Variants in RPS28 observed in about 807,000 individuals in gnomAD.
The protein encoded by RPS28 is ribosomal protein S28.
Under a neutral mutation model 9.4 loss-of-function variants are expected in RPS28, and 2 were observed. The ratio of observed to expected loss-of-function variants is 0.21; its 90% CI spans 0.09 to 0.67. The LOEUF is 0.67. Among genes scored for constraint, RPS28 ranks in the 30% least tolerant of loss-of-function variants. The pLI is 0.82. For missense variants in RPS28, 35 were observed against 95.3 expected, an observed-to-expected ratio of 0.37 and a Z score of 2.63; for synonymous variants, 41 against 37.8, an observed-to-expected ratio of 1.08 and a Z score of -0.31.
chr19:8,322,906 C>G lies in RPS28; in HGVS notation c.*651C>G. On this transcript the variant is annotated 3_prime_UTR_variant, in exon 4 of 4. Coordinates refer to ENST00000600659, the MANE Select transcript of RPS28 (RefSeq NM_001031.5). ...TTCACCAGGTGTGGCTGTCTGGGAG[C>G]CAGGGGGTGACTCGCTCTGGAGAGA... The G allele has an allele frequency of 6.5e-7, 1 of 1,544,260 alleles. No homozygotes were observed. The highest frequency in any genetic ancestry group is 8.7e-7 in the Non-Finnish European group (1 of 1,145,140).
Position 8,321,516 on chromosome 19 carries a change from C to A in RPS28, c.-15C>A, listed in dbSNP as rs1303338476. ...ACGTGACTCCTCTCCGCCAGACCGC[C>A]GCCGCGCCGCCATCATGGACACCAG... On this transcript the variant is annotated 5_prime_UTR_variant, in exon 1 of 4. Coordinates refer to ENST00000600659, the MANE Select transcript of RPS28 (RefSeq NM_001031.5). The A allele has an allele frequency of 1.3e-6, 2 of 1,578,952 alleles. No individual in the cohort carries two copies. The highest frequency in any genetic ancestry group is 2.3e-5 in the East Asian group (1 of 43,196).
intron 2 of RPS28, 86 bp downstream of exon 2, chr19:8,321,789 A>G: frequency 6.6e-7 from 1 of 1,516,210 alleles, no homozygotes; most frequent in South Asian, 1.2e-5. Flanking sequence ...GCCAGCCGGA[A>G]TCCGGGAGCC....
intron 3 of RPS28, 68 bp from the exon 4 acceptor site, chr19:8,322,202 CAA>C (rs907940080): frequency 7.6e-5 from 94 of 1,229,618 alleles, no homozygotes; most frequent in Middle Eastern, 5.6e-4. Context: ...CAGAGACTGA[CAA>C]GAGGGAGGCG....
chr19:8,322,892 T>C lies in RPS28; in HGVS notation c.*637T>C. The C allele has an allele frequency of 6.4e-7, 1 of 1,562,900 alleles. No homozygotes were observed. Reference sequence around the variant, plus strand: ...TCACCGCATTCTCCTTCACCAGGTGTGGCTGTCTGGGAGCCAGGGGGTGAC... The same window carrying C: ...TCACCGCATTCTCCTTCACCAGGTGCGGCTGTCTGGGAGCCAGGGGGTGAC... On this transcript the variant is annotated 3_prime_UTR_variant, in exon 4 of 4. Coordinates refer to ENST00000600659, the MANE Select transcript of RPS28 (RefSeq NM_001031.5).
At chr19:8,321,867 C>T (rs1433766389) in intron 2 of RPS28, 86 bp from the exon 3 acceptor site, 6 of 1,565,358 alleles carry the variant, frequency 3.8e-6, no homozygotes, top group South Asian at 1.2e-5. Flanking sequence ...CCGACACGTT[C>T]TCTGAATTCA....
chr19:8,322,051 G>A lies in RPS28; in HGVS notation c.186G>A (p.Glu62=). 1.9e-6 allele frequency: 3 copies of A among 1,613,046 alleles called. No homozygotes were observed. The highest frequency in any genetic ancestry group is 1.1e-5 in the South Asian group (1 of 90,996). The change falls in exon 3 of 4, where the codon GAG becomes GAA. Residue 62 remains glutamate (E), a synonymous_variant. Transcript: ENST00000600659. ...EGDVLTLLES[E]REARRLR ...ACGTGCTCACCCTTTTGGAGTCAGA[G>A]CGAGAAGCCCGGAGGTTGCGCTGAG...
rs1442206884 is a variant in RPS28 at position 8,323,158 on chromosome 19, TA to T, written c.*904del. 5.5e-6 allele frequency: 2 copies of T among 366,110 alleles called. No individual in the cohort carries two copies. The highest frequency in any genetic ancestry group is 9.8e-6 in the Non-Finnish European group (2 of 203,234). 22.7% of individuals were successfully genotyped at this position (366,110 alleles called of 1,614,324 possible). On this transcript the variant is annotated 3_prime_UTR_variant, in exon 4 of 4. Coordinates refer to ENST00000600659, the MANE Select transcript of RPS28 (RefSeq NM_001031.5). ...TTACAATGGGTTACATTCCGGTGAG[TA>T]CATCATAGGTTGAAAGTATTGCAAG...
At chr19:8,322,112 C>G (rs777143568) in intron 3 of RPS28, 21 bp downstream of exon 3, 2 of 1,606,132 alleles carry the variant, frequency 1.2e-6, no homozygotes, top group South Asian at 1.1e-5. Context: ...AGAGGACACC[C>G]CTTTGATAGA....
At position 8,321,647 on chromosome 19, in the gene RPS28, T is replaced by C; in HGVS notation, c.40-9T>C. 6.4e-7 allele frequency: 1 copy of C among 1,555,784 alleles called. No individual in the cohort carries two copies. The highest frequency in any genetic ancestry group is 2.3e-5 in the East Asian group (1 of 44,168). On this transcript the variant is annotated splice_polypyrimidine_tract_variant and intron_variant, in intron 1 of 3. Coordinates refer to ENST00000600659, the MANE Select transcript of RPS28 (RefSeq NM_001031.5). ...CGGGCCGGGTCTGAACCCAGCTTCT[T>C]TCCTCCAGGTCACCAAGGTCCTGGG...
Position 8,322,787 on chromosome 19 carries a change from A to C in RPS28, c.*532A>C. 7.3e-7 allele frequency: 1 copy of C among 1,375,170 alleles called. No homozygotes were observed. The highest frequency in any genetic ancestry group is 1.0e-6 in the Non-Finnish European group (1 of 970,252). The allele number at this position is 1,375,170 out of a possible 1,614,324, so 85.2% of individuals were successfully genotyped here. On this transcript the variant is annotated 3_prime_UTR_variant, in exon 4 of 4. Transcript: ENST00000600659. ...CTTCTGTGCGCCAAAGGCTGAGGTG[A>C]CTGACGAGGAGATCTCCCCACAGCT...
chr19:8,323,030 G>A lies in RPS28; in HGVS notation c.*775G>A, dbSNP rs557152119. The A allele has an allele frequency of 1.4e-5, 9 of 626,890 alleles. No individual in the cohort carries two copies. In the East Asian group the frequency reaches 2.9e-4, roughly 20 times the overall value. 38.8% of individuals were successfully genotyped at this position (626,890 alleles called of 1,614,324 possible). A position where few individuals can be genotyped will look rare whatever the true frequency, so the allele number is the denominator to read the frequency against. Reference sequence around the variant, plus strand: ...GGAGGTTCTTTTACCATGGACCCAGGCTGCCTGGTTTGTATCCAACCTCTG... The same window carrying A: ...GGAGGTTCTTTTACCATGGACCCAGACTGCCTGGTTTGTATCCAACCTCTG... On this transcript the variant is annotated 3_prime_UTR_variant, in exon 4 of 4. Transcript: ENST00000600659.
rs1047557149 is a variant in RPS28 at position 8,322,761 on chromosome 19, C to G, written c.*506C>G. On this transcript the variant is annotated 3_prime_UTR_variant, in exon 4 of 4. Coordinates refer to ENST00000600659, the MANE Select transcript of RPS28 (RefSeq NM_001031.5). Reference sequence around the variant, plus strand: ...AGCCTCTGAGCAGGGGACCCTGGACCCTTCTGTGCGCCAAAGGCTGAGGTG... The same window carrying G: ...AGCCTCTGAGCAGGGGACCCTGGACGCTTCTGTGCGCCAAAGGCTGAGGTG... The G allele has an allele frequency of 9.0e-7, 1 of 1,110,252 alleles. No individual in the cohort carries two copies. The highest frequency in any genetic ancestry group is 1.3e-6 in the Non-Finnish European group (1 of 746,758). 68.8% of individuals were successfully genotyped at this position (1,110,252 alleles called of 1,614,324 possible). A position where few individuals can be genotyped will look rare whatever the true frequency, so the allele number is the denominator to read the frequency against.
intron 1 of RPS28, 34 bp downstream of exon 1, chr19:8,321,603 A>G: frequency 6.4e-7 from 1 of 1,557,944 alleles, no homozygotes; most frequent in Non-Finnish European, 8.7e-7. Flanking sequence ...GGGCAGGGGG[A>G]GGGATTAGAG....
chr19:8,321,577 G>T lies in RPS28; in HGVS notation c.39+8G>T. 1.3e-6 allele frequency: 2 copies of T among 1,577,746 alleles called. No individual in the cohort carries two copies. The highest frequency in any genetic ancestry group is 8.6e-7 in the Non-Finnish European group (1 of 1,163,248). ...CCTATCAAGCTGGCCAGGGTGAGGT[G>T]GGGGCCCGAATTTGGGGGCAGGGGG... On this transcript the variant is annotated splice_region_variant and intron_variant, in intron 1 of 3. Transcript: ENST00000600659.
chr19:8,321,772 A>G (rs1970319979), intron 2 of RPS28, 69 bp downstream of exon 2: 3 of 1,521,892 alleles, frequency 2.0e-6, no homozygotes, highest in South Asian at 2.5e-5. Context: ...ACCCTGCCCT[A>G]ACCCCTGCCA....
In RPS28 at chr19:8,322,076, G is replaced by A. The variant is rs1231780863; in HGVS notation, c.*1G>A. The A allele has an allele frequency of 6.2e-7, 1 of 1,612,142 alleles. No individual in the cohort carries two copies. The highest frequency in any genetic ancestry group is 1.1e-5 in the South Asian group (1 of 90,986). The stretch of plus-strand genomic sequence containing the variant: ...GCGAGAAGCCCGGAGGTTGCGCTGA[G>A]CTTGGCTGCTCGCTGGTGGGTGCAA... On this transcript the variant is annotated 3_prime_UTR_variant, in exon 3 of 4. Coordinates refer to ENST00000600659, the MANE Select transcript of RPS28 (RefSeq NM_001031.5).
Position 8,322,910 on chromosome 19 carries a change from G to A in RPS28, c.*655G>A, listed in dbSNP as rs751692608. The A allele has an allele frequency of 7.1e-6, 11 of 1,541,006 alleles. No individual in the cohort carries two copies. In the Admixed American group the frequency reaches 2.2e-4, roughly 31 times the overall value. On this transcript the variant is annotated 3_prime_UTR_variant, in exon 4 of 4. Transcript: ENST00000600659. Reference sequence around the variant, plus strand: ...CCAGGTGTGGCTGTCTGGGAGCCAGGGGGTGACTCGCTCTGGAGAGAGGGG... The same window carrying A: ...CCAGGTGTGGCTGTCTGGGAGCCAGAGGGTGACTCGCTCTGGAGAGAGGGG...
rs1390827549 is a variant in RPS28 at position 8,322,390 on chromosome 19, A to G, written c.*135A>G. ...CCTTTAAATAAAGCGTTTGTGTTTC[A>G]AGTTAACTCAGGTTCTTGTCTGGGT... On this transcript the variant is annotated 3_prime_UTR_variant, in exon 4 of 4. Coordinates refer to ENST00000600659, the MANE Select transcript of RPS28 (RefSeq NM_001031.5). 16 of 569,232 alleles carry G rather than the reference A, an allele frequency of 2.8e-5. No homozygotes were observed. The highest frequency in any genetic ancestry group is 4.6e-5 in the Non-Finnish European group (14 of 301,822). 35.3% of individuals were successfully genotyped at this position (569,232 alleles called of 1,614,324 possible).
At chr19:8,321,922 C>T (rs1568566876) in intron 2 of RPS28, 31 bp from the exon 3 acceptor site, 1 of 1,610,520 alleles carries the variant, frequency 6.2e-7, no homozygotes, top group South Asian at 1.1e-5. Context: ...CCCGCCCTTA[C>T]TTCTTCCTCC....
Sources: allele counts gnomAD v4.1 joint callset, GRCh38; gene constraint gnomAD v4.1.1; transcripts MANE v1.5; gene names NCBI Gene and HGNC (gene_info 2026-07-23, HGNC 2026-07-21).